The following ARGFX variants were observed in gnomAD, a reference collection of about 807,000 sequenced individuals.
ARGFX encodes arginine-fifty homeobox.
In ARGFX, 10 loss-of-function variants were observed where a neutral mutation model predicts 8.0. The observed-to-expected ratio is 1.25, with a 90% CI of 0.77 to 2.12. The LOEUF (loss-of-function observed/expected upper bound fraction) is 2.12. ARGFX is among the 30% of genes most tolerant of loss of function. The pLI is 0.00. For synonymous variants in ARGFX, 116 were observed against 117.8 expected (o/e 0.98, Z 0.10); for missense variants, 282 against 324.3 (o/e 0.87, Z 1.00).
intron 3 of ARGFX, among the ~76,000 whole-genome samples, chr3:121,583,098 C>T (rs1054999720): frequency 2.0e-4 from 28 of 142,886 alleles, no homozygotes; most frequent in African/African-American, 5.7e-4. Context: ...GCAATGATCT[C>T]GGTTCACTGC....
intron 1 of ARGFX, among the ~76,000 whole-genome samples, 142 bp downstream of exon 1, chr3:121,568,155 G>GAA (rs1175418102): frequency 9.9e-5 from 15 of 152,078 alleles, no homozygotes; most frequent in Non-Finnish European, 1.8e-4. Context: ...TAGATGGTTG[G>GAA]GGACAGAAGG....
At chr3:121,585,198 A>G in intron 4 of ARGFX, 133 bp downstream of exon 4, 1 of 1,043,646 alleles carries the variant, frequency 9.6e-7, no homozygotes, top group Non-Finnish European at 1.3e-6. Context: ...AACGGTATCA[A>G]ACTGGGGACA....
In ARGFX at chr3:121,587,196, C is replaced by T. The variant is rs1310272140; in HGVS notation, c.*596C>T. Among the ~76,000 whole-genome samples the T allele has an allele frequency of 1.3e-5, 2 of 152,096 alleles. No individual in the cohort carries two copies. The highest frequency in any genetic ancestry group is 2.9e-5 in the Non-Finnish European group (2 of 67,998). On this transcript the variant is annotated 3_prime_UTR_variant, in exon 5 of 5. Coordinates refer to ENST00000334384, the MANE Select transcript of ARGFX (RefSeq NM_001012659.2). Reference sequence around the variant, plus strand: ...CCTCCTGAGTAGCTGGGATTACAGGCGTGTGCCACCATGCCTGGCTAACTT... The same window carrying T: ...CCTCCTGAGTAGCTGGGATTACAGGTGTGTGCCACCATGCCTGGCTAACTT...
Position 121,588,939 on chromosome 3 carries a change from C to A in ARGFX, c.*2339C>A, listed in dbSNP as rs971941200. 2.0e-5 allele frequency among the ~76,000 whole-genome samples: 3 copies of A among 152,078 alleles called. No homozygotes were observed. Among genetic ancestry groups the A allele is most frequent in the African/African-American group, 7.2e-5 (3 of 41,418 alleles). ...AATTCACAAATATGTGGATATTAAA[C>A]AACACATTCCTAAATAACCAGTGGT... On this transcript the variant is annotated 3_prime_UTR_variant, in exon 5 of 5. Transcript: ENST00000334384.
intron 3 of ARGFX, among the ~76,000 whole-genome samples, chr3:121,584,716 G>A (rs910626918): frequency 1.7e-4 from 26 of 152,190 alleles, no homozygotes; most frequent in African/African-American, 5.1e-4. Context: ...CTCAGAAAGC[G>A]GAGGACAGAG....
chr3:121,571,363 T>C (rs958579618), intron 2 of ARGFX, among the ~76,000 whole-genome samples: 2 of 152,114 alleles, frequency 1.3e-5, no homozygotes, highest in Non-Finnish European at 2.9e-5. Flanking sequence ...GGTTTTTCTA[T>C]ACACTAATAA....
intron 3 of ARGFX, among the ~76,000 whole-genome samples, chr3:121,577,242 TATATATATATATATATA>T (rs1560120423): frequency 9.6e-5 from 6 of 62,238 alleles, no homozygotes; most frequent in African/African-American, 1.6e-4. Flanking sequence ...TATATATATA[TATATATATATATATATA>T]TTTTTTTTTT....
At chr3:121,580,606 A>ATATATTTT (rs1227697987) in intron 3 of ARGFX, among the ~76,000 whole-genome samples, 7 of 115,194 alleles carry the variant, frequency 6.1e-5, no homozygotes, top group East Asian at 2.9e-4. Flanking sequence ...ATATATATAT[A>ATATATTTT]TTTTTTTTTT....
Position 121,570,865 on chromosome 3 carries a change from T to A in ARGFX, c.103+49T>A, listed in dbSNP as rs1472743809. ...TCTTTCCTTTTCTACTGCCCCATTC[T>A]CATGCAGCCCTACAATTGCATTTTG... On this transcript the variant is annotated intron_variant, in intron 2 of 4. Coordinates refer to ENST00000334384, the MANE Select transcript of ARGFX (RefSeq NM_001012659.2). 2.3e-6 allele frequency: 3 copies of A among 1,285,136 alleles called. No homozygotes were observed. The African/African-American group carries it at 4.6e-5, about 20-fold the overall frequency. 79.6% of individuals were successfully genotyped at this position (1,285,136 alleles called of 1,614,324 possible). A position where few individuals can be genotyped will look rare whatever the true frequency, so the allele number is the denominator to read the frequency against.
In ARGFX at chr3:121,588,620, A is replaced by G. The variant is rs930297701; in HGVS notation, c.*2020A>G. Among the ~76,000 whole-genome samples, 3 of 151,942 alleles carry G rather than the reference A, an allele frequency of 2.0e-5. No individual in the cohort carries two copies. The highest frequency in any genetic ancestry group is 7.2e-5 in the African/African-American group (3 of 41,402). The stretch of plus-strand genomic sequence containing the variant: ...AACTTCAAAACTTAAAAAAGGACAT[A>G]GAAAATGTTTTGAATAGGCCAGGCG... On this transcript the variant is annotated 3_prime_UTR_variant, in exon 5 of 5. Coordinates refer to ENST00000334384, the MANE Select transcript of ARGFX (RefSeq NM_001012659.2).
In ARGFX at chr3:121,586,924, C is replaced by G. The variant is rs1307279648; in HGVS notation, c.*324C>G. On this transcript the variant is annotated 3_prime_UTR_variant, in exon 5 of 5. Transcript: ENST00000334384. ...TATTTTTTTGAAACTAGCTCTCATT[C>G]TGTCACCCAGGCTGGAATACAGTGG... 4.6e-5 allele frequency among the ~76,000 whole-genome samples: 7 copies of G among 152,288 alleles called. No individual in the cohort carries two copies. Among genetic ancestry groups the G allele is most frequent in the Admixed American group, 1.3e-4 (2 of 15,284 alleles).
intron 3 of ARGFX, among the ~76,000 whole-genome samples, chr3:121,577,827 C>T (rs2048753053): frequency 6.6e-6 from 1 of 152,104 alleles, no homozygotes; most frequent in African/African-American, 2.4e-5. Flanking sequence ...TTCTGTTGCC[C>T]AGGCTGGAGT....
intron 4 of ARGFX, among the ~76,000 whole-genome samples, chr3:121,585,530 G>C (rs1476339458): frequency 2.6e-5 from 4 of 151,334 alleles, no homozygotes; most frequent in Non-Finnish European, 4.4e-5. Context: ...TTCAGAGATG[G>C]GGTCTCACTA....
chr3:121,577,141 C>A (rs2048743171), intron 3 of ARGFX, among the ~76,000 whole-genome samples: 1 of 132,836 alleles, frequency 7.5e-6, no homozygotes, highest in South Asian at 2.3e-4. Flanking sequence ...TCTATATATT[C>A]ATAAATTATA....
Position 121,581,735 on chromosome 3 carries a change from T to C in ARGFX, c.221-3182T>C, listed in dbSNP as rs569986460. Reference sequence around the variant, plus strand: ...GGACAACGTAGCAAAACCTCATCTCTACACACACACACACAAAAATTAGCC... The same window carrying C: ...GGACAACGTAGCAAAACCTCATCTCCACACACACACACACAAAAATTAGCC... On this transcript the variant is annotated intron_variant, in intron 3 of 4. Coordinates refer to ENST00000334384, the MANE Select transcript of ARGFX (RefSeq NM_001012659.2). Among the ~76,000 whole-genome samples, 5 of 151,672 alleles carry C rather than the reference T, an allele frequency of 3.3e-5. No homozygotes were observed. In the East Asian group the frequency reaches 7.7e-4, roughly 23 times the overall value.
Position 121,586,239 on chromosome 3 carries a change from C to T in ARGFX, c.587C>T (p.Thr196Ile), listed in dbSNP as rs61750878. The change falls in exon 5 of 5, where the codon ACT (threonine) becomes ATT (isoleucine). Residue 196 changes from threonine to isoleucine, a missense_variant. Coordinates refer to ENST00000334384, the MANE Select transcript of ARGFX (RefSeq NM_001012659.2). ...AATTGGGCATGGAACTCTACCTTCACTGAGAGTTCTACCAGTGACTTCCAA... is the reference window on the plus strand; with the variant it reads ...AATTGGGCATGGAACTCTACCTTCATTGAGAGTTCTACCAGTGACTTCCAA... ...PSNWAWNSTF[T>I]ESSTSDFQMQ... 5.0e-3 allele frequency: 8,066 copies of T among 1,614,032 alleles called. 359 individuals are homozygous for T. The African/African-American group carries it at 0.093, about 19-fold the overall frequency.
rs1560122679 is a variant in ARGFX at position 121,584,901 on chromosome 3, T to C, written c.221-16T>C. 2 of 1,602,376 alleles carry C rather than the reference T, an allele frequency of 1.2e-6. No individual in the cohort carries two copies. Among genetic ancestry groups the C allele is most frequent in the Non-Finnish European group, 1.7e-6 (2 of 1,175,630 alleles). ...AATGTAAATGTAACCACCCCTTCTT[T>C]ATCTCTGCCCTGAAGCAATACGGAG... On this transcript the variant is annotated splice_polypyrimidine_tract_variant and intron_variant, in intron 3 of 4. Coordinates refer to ENST00000334384, the MANE Select transcript of ARGFX (RefSeq NM_001012659.2).
intron 2 of ARGFX, among the ~76,000 whole-genome samples, chr3:121,573,466 G>A (rs1379229329): frequency 1.3e-5 from 2 of 150,866 alleles, no homozygotes; most frequent in Non-Finnish European, 2.9e-5. Context: ...GACAGAGAGA[G>A]AGAGACTCTG....
rs1254410993 is a variant in ARGFX at position 121,588,107 on chromosome 3, A to C, written c.*1507A>C. 6.6e-6 allele frequency among the ~76,000 whole-genome samples: 1 copy of C among 152,004 alleles called. No individual in the cohort carries two copies. The highest frequency in any genetic ancestry group is 1.5e-5 in the Non-Finnish European group (1 of 68,012). Reference sequence around the variant, plus strand: ...AAAGAGTCAAACTTTTAGAATGACAAGTTAGCATATTTTCCAGCCACATGA... The same window carrying C: ...AAAGAGTCAAACTTTTAGAATGACACGTTAGCATATTTTCCAGCCACATGA... On this transcript the variant is annotated 3_prime_UTR_variant, in exon 5 of 5. Transcript: ENST00000334384.
Sources: gnomAD v4.1 joint callset for allele counts (sites outside exome capture counted in the v4.1 genomes callset) on GRCh38, gnomAD v4.1.1 for gene constraint, MANE v1.5 for transcripts, NCBI Gene and HGNC (gene_info 2026-07-23, HGNC 2026-07-21) for gene names.